Variants in ANKRD44 observed in about 807,000 individuals in gnomAD.
ANKRD44 encodes ankyrin repeat domain 44, also known as serine/threonine-protein phosphatase 6 regulatory ankyrin repeat subunit B.
In ANKRD44, 35 loss-of-function variants were observed where a neutral mutation model predicts 116.0. The ratio of observed to expected loss-of-function variants is 0.30; its 90% CI spans 0.23 to 0.40. ANKRD44 has a LOEUF of 0.40. Ranked by LOEUF, ANKRD44 falls within the 10% of genes least tolerant of loss-of-function variation. ANKRD44 has a pLI of 1.00. For synonymous variants in ANKRD44, 435 were observed against 461.8 expected (o/e 0.94, Z 0.74); for missense variants, 1,014 against 1,242.6 (o/e 0.82, Z 2.77).
At chr2:197,143,057 A>C (rs917917752) in intron 3 of ANKRD44, among the ~76,000 whole-genome samples, 1 of 150,842 alleles carries the variant, frequency 6.6e-6, no homozygotes, top group African/African-American at 2.4e-5. Flanking sequence ...ATGCCTCACA[A>C]ACACTCCCGC....
intron 1 of ANKRD44, chr2:197,251,105 AAACCAT>A (rs1280912656): frequency 6.6e-6 from 1 of 152,230 alleles, no homozygotes; most frequent in African/African-American, 2.4e-5. Context: ...TATATTGCTA[AAACCAT>A]AACAAAGATG....
chr2:197,170,190 C>A (rs1331492272), intron 2 of ANKRD44, among the ~76,000 whole-genome samples: 4 of 119,750 alleles, frequency 3.3e-5, no homozygotes, highest in African/African-American at 6.6e-5. Context: ...ACCCTGTTTC[C>A]AAAAAAAAAA....
At chr2:197,245,464 T>C (rs577388266) in intron 1 of ANKRD44, among the ~76,000 whole-genome samples, 81 of 152,270 alleles carry the variant, frequency 5.3e-4, no homozygotes, top group African/African-American at 1.9e-3. Flanking sequence ...CTGGAACCAA[T>C]ACCCCATGGA....
intron 17 of ANKRD44, among the ~76,000 whole-genome samples, chr2:197,022,393 CA>C (rs963826749): frequency 3.2e-4 from 49 of 152,316 alleles, no homozygotes; most frequent in African/African-American, 1.1e-3. Flanking sequence ...CCTTTTAAAA[CA>C]AAAGTCACAT....
intron 1 of ANKRD44, among the ~76,000 whole-genome samples, chr2:197,211,089 C>T (rs2081314484): frequency 6.6e-6 from 1 of 152,168 alleles, no homozygotes; most frequent in South Asian, 2.1e-4. Context: ...ATGCCATGAC[C>T]TAGGCTGCAG....
chr2:197,282,373 G>C (rs1431643652), intron 1 of ANKRD44, among the ~76,000 whole-genome samples: 1 of 151,840 alleles, frequency 6.6e-6, no homozygotes, highest in African/African-American at 2.4e-5. Flanking sequence ...TGTATGTCTT[G>C]AATGCCAGAC....
chr2:197,114,317 T>C (rs562419207), intron 8 of ANKRD44, among the ~76,000 whole-genome samples: 6 of 152,356 alleles, frequency 3.9e-5, no homozygotes, highest in South Asian at 2.1e-4. Flanking sequence ...CATTTTCCCA[T>C]AGAATTTAGG....
chr2:197,008,167 T>C (rs940697309), intron 19 of ANKRD44, among the ~76,000 whole-genome samples: 1 of 152,208 alleles, frequency 6.6e-6, no homozygotes, highest in Non-Finnish European at 1.5e-5. Context: ...GGAAGCTTCC[T>C]TTTCAAAATA....
intron 1 of ANKRD44, among the ~76,000 whole-genome samples, chr2:197,248,572 G>GTATATATATATATATATATA (rs1385952729): frequency 1.8e-5 from 2 of 109,690 alleles, no homozygotes; most frequent in African/African-American, 6.2e-5. Context: ...GTGTGTGTGT[G>GTATATATATATATATATATA]TGTGTGTATA....
chr2:197,179,381 C>A (rs966649215), intron 2 of ANKRD44, among the ~76,000 whole-genome samples: 1 of 152,168 alleles, frequency 6.6e-6, no homozygotes, highest in African/African-American at 2.4e-5. Flanking sequence ...TAATTTCAAA[C>A]AATTACCATC....
intron 1 of ANKRD44, among the ~76,000 whole-genome samples, chr2:197,304,226 A>C (rs1026735626): frequency 3.3e-5 from 5 of 152,162 alleles, no homozygotes; most frequent in African/African-American, 1.2e-4. Flanking sequence ...GAATCACTTG[A>C]ACCCCAGGAG....
chr2:197,010,319 G>A (rs1231014135), intron 18 of ANKRD44, among the ~76,000 whole-genome samples: 1 of 151,938 alleles, frequency 6.6e-6, no homozygotes, highest in Non-Finnish European at 1.5e-5. Flanking sequence ...GCCACAGGCG[G>A]CGCTTTCTCT....
rs956543917 is a variant in ANKRD44, at chr2:196,989,904, T to C, written c.2924-255A>G. 38 of 1,171,340 alleles carry C rather than the reference T, an allele frequency of 3.2e-5. No homozygotes were observed. In the South Asian group the frequency reaches 9.0e-4, roughly 28 times the overall value. 72.6% of individuals were successfully genotyped at this position (1,171,340 alleles called of 1,614,324 possible). On this transcript the variant is annotated intron_variant, in intron 27 of 27. Coordinates refer to ENST00000282272, the MANE Select transcript of ANKRD44 (RefSeq NM_001195144.2). The stretch of plus-strand genomic sequence containing the variant: ...GATTTAAGAATAAATTAACAAAGGG[T>C]AGTTTCATACTATTTTTGCATATTG...
At chr2:197,208,260 A>G (rs544438101) in intron 1 of ANKRD44, among the ~76,000 whole-genome samples, 1 of 152,318 alleles carries the variant, frequency 6.6e-6, no homozygotes, top group African/African-American at 2.4e-5. Flanking sequence ...CAATAGTGCA[A>G]GAACAAAGTG....
chr2:197,011,859 A>G (rs1418195868), intron 18 of ANKRD44, among the ~76,000 whole-genome samples: 1 of 152,032 alleles, frequency 6.6e-6, no homozygotes, highest in Non-Finnish European at 1.5e-5. Flanking sequence ...TTTTTCCCCA[A>G]ATTGCCTTCT....
intron 1 of ANKRD44, among the ~76,000 whole-genome samples, chr2:197,246,156 C>T (rs1367112954): frequency 6.6e-6 from 1 of 151,954 alleles, no homozygotes; most frequent in Admixed American, 6.6e-5. Flanking sequence ...CTGTGCCCTG[C>T]CTACCTAACT....
chr2:197,013,376 G>T, intron 18 of ANKRD44, 135 bp downstream of exon 18: 1 of 972,492 alleles, frequency 1.0e-6, no homozygotes, highest in Non-Finnish European at 1.5e-6. Flanking sequence ...CATTTTGGAA[G>T]TGTGGAAGTG....
At chr2:196,974,224 A>G (rs1230442793) in intron 21 of ANKRD44, among the ~76,000 whole-genome samples, 4 of 152,180 alleles carry the variant, frequency 2.6e-5, no homozygotes, top group African/African-American at 9.6e-5. Flanking sequence ...CTGGGACTAC[A>G]GGGGTGCACC....
At chr2:197,243,386 A>G (rs1454592867) in intron 1 of ANKRD44, among the ~76,000 whole-genome samples, 1 of 152,082 alleles carries the variant, frequency 6.6e-6, no homozygotes, top group Non-Finnish European at 1.5e-5. Context: ...TTTAGGACAA[A>G]AAAAAAAATG....
Sources: gnomAD v4.1 joint callset for allele counts (sites outside exome capture counted in the v4.1 genomes callset) on GRCh38, gnomAD v4.1.1 for gene constraint, MANE v1.5 for transcripts, NCBI Gene and HGNC (gene_info 2026-07-23, HGNC 2026-07-21) for gene names.